CDH23: variants seen among roughly 807,000 people sequenced by gnomAD.
CDH23 encodes cadherin-23.
A neutral mutation model predicts 317.1 loss-of-function variants in CDH23; 189 were observed. The observed-to-expected ratio is 0.60, with a 90% CI of 0.53 to 0.67. The LOEUF (loss-of-function observed/expected upper bound fraction) is 0.67. Among genes scored for constraint, CDH23 ranks in the 30% least tolerant of loss-of-function variants. The pLI, the probability that CDH23 is intolerant of heterozygous loss-of-function variation, is 0.00. For missense variants in CDH23, 4,401 were observed against 4,592.4 expected (o/e 0.96, Z 1.20); for synonymous variants, 1,839 against 1,876.8 (o/e 0.98, Z 0.52).
intron 11 of CDH23, among the ~76,000 whole-genome samples, chr10:71,618,722 C>A (rs992305145): frequency 4.6e-5 from 7 of 152,170 alleles, no homozygotes; most frequent in African/African-American, 1.4e-4. Flanking sequence ...CCTCTGCCCA[C>A]GTCTCTTGCC....
chr10:71,519,867 C>T (rs1345855190), intron 6 of CDH23, among the ~76,000 whole-genome samples: 8 of 151,754 alleles, frequency 5.3e-5, no homozygotes, highest in African/African-American at 1.9e-4. Flanking sequence ...CAGCTCACTG[C>T]AGCCTTAACC....
At chr10:71,580,446 T>G (rs993656261) in intron 9 of CDH23, among the ~76,000 whole-genome samples, 4 of 152,212 alleles carry the variant, frequency 2.6e-5, no homozygotes, top group African/African-American at 9.6e-5. Context: ...CTTTATAGGA[T>G]TCCCACTGCC....
intron 11 of CDH23, among the ~76,000 whole-genome samples, chr10:71,622,616 C>T (rs188916976): frequency 1.0e-3 from 159 of 152,274 alleles, no homozygotes; most frequent in African/African-American, 3.3e-3. Flanking sequence ...TCATTATGCA[C>T]GACCCCTCCC....
rs369239274 is a variant in CDH23 at position 71,801,362 on chromosome 10, C to T, written c.7482+607C>T. Among the ~76,000 whole-genome samples, 155 of 152,050 alleles carry T rather than the reference C, an allele frequency of 1.0e-3. 3 individuals are homozygous for T. In the South Asian group the frequency reaches 0.031, roughly 30 times the overall value. Reference sequence around the variant, plus strand: ...AGAGACGGGGTTTCTCCATGTTGGTCGGGCTGGTCTCGAACTCCCGACCTC... The same window carrying T: ...AGAGACGGGGTTTCTCCATGTTGGTTGGGCTGGTCTCGAACTCCCGACCTC... On this transcript the variant is annotated intron_variant, in intron 53 of 69. Coordinates refer to ENST00000224721, the MANE Select transcript of CDH23 (RefSeq NM_022124.6).
In CDH23 at chr10:71,709,215, T is replaced by C; in HGVS notation, c.3220+4T>C. On this transcript the variant is annotated splice_donor_region_variant and intron_variant, in intron 27 of 69. Coordinates refer to ENST00000224721, the MANE Select transcript of CDH23 (RefSeq NM_022124.6). Reference sequence around the variant, plus strand: ...ATGCTCATCCTGGAGGCCATCGGTATGCACCAGTCCCGCACCCACCAACAC... The same window carrying C: ...ATGCTCATCCTGGAGGCCATCGGTACGCACCAGTCCCGCACCCACCAACAC... 3 of 1,612,772 alleles carry C rather than the reference T, an allele frequency of 1.9e-6. No homozygotes were observed. In the African/African-American group the frequency reaches 4.0e-5, roughly 21 times the overall value.
chr10:71,692,851 G>A (rs890608990), intron 20 of CDH23, among the ~76,000 whole-genome samples: 13 of 152,340 alleles, frequency 8.5e-5, no homozygotes, highest in South Asian at 4.1e-4. Context: ...CACAGGCCCT[G>A]CCCGTGGAGA....
At chr10:71,583,713 A>G (rs1029137374) in intron 9 of CDH23, among the ~76,000 whole-genome samples, 1 of 152,282 alleles carries the variant, frequency 6.6e-6, no homozygotes, top group South Asian at 2.1e-4. Context: ...TCCCCGAGTG[A>G]CGGGAGGAGA....
intron 22 of CDH23, among the ~76,000 whole-genome samples, chr10:71,697,566 A>T (rs559300146): frequency 1.3e-5 from 2 of 152,220 alleles, no homozygotes; most frequent in Non-Finnish European, 2.9e-5. Flanking sequence ...CCAGATACTC[A>T]GGAGGCTAAG....
At chr10:71,401,028 G>C (rs1050993644) in intron 1 of CDH23, among the ~76,000 whole-genome samples, 1 of 152,106 alleles carries the variant, frequency 6.6e-6, no homozygotes, top group Non-Finnish European at 1.5e-5. Context: ...GGGCAATCCT[G>C]TTTGTCCATG....
chr10:71,642,746 A>G (rs572509716), intron 11 of CDH23, among the ~76,000 whole-genome samples: 21 of 152,188 alleles, frequency 1.4e-4, no homozygotes, highest in Admixed American at 5.2e-4. Context: ...TCCCTATGCA[A>G]CCATGGGCTG....
chr10:71,687,833 T>A, intron 19 of CDH23, 114 bp downstream of exon 19: 1 of 968,190 alleles, frequency 1.0e-6, no homozygotes, highest in Non-Finnish European at 1.6e-6. Flanking sequence ...GTCCATGGCC[T>A]TCTCTTTCCC....
At chr10:71,515,681 C>A (rs1854297796) in intron 6 of CDH23, among the ~76,000 whole-genome samples, 1 of 152,204 alleles carries the variant, frequency 6.6e-6, no homozygotes, top group South Asian at 2.1e-4. Context: ...CTCTGGATTT[C>A]AGCTTTCTTA....
At chr10:71,767,640 T>G (rs904677249) in intron 38 of CDH23, among the ~76,000 whole-genome samples, 1 of 152,152 alleles carries the variant, frequency 6.6e-6, no homozygotes, top group Non-Finnish European at 1.5e-5. Flanking sequence ...CATGGATCAA[T>G]CAGGACTGGG....
At chr10:71,705,557 A>G (rs769117692) in intron 25 of CDH23, among the ~76,000 whole-genome samples, 5 of 152,120 alleles carry the variant, frequency 3.3e-5, no homozygotes, top group Admixed American at 6.5e-5. Context: ...ATGGGTGTGG[A>G]ACCCCTGGAC....
intron 6 of CDH23, among the ~76,000 whole-genome samples, chr10:71,513,585 G>A (rs1256980508): frequency 6.6e-6 from 1 of 152,214 alleles, no homozygotes. Flanking sequence ...CTGCCAGGGT[G>A]ATCAGAGAAA....
At chr10:71,720,612 C>T (rs1308073229) in intron 28 of CDH23, among the ~76,000 whole-genome samples, 1 of 152,204 alleles carries the variant, frequency 6.6e-6, no homozygotes, top group African/African-American at 2.4e-5. Context: ...AGACCTGAGC[C>T]TCAGACCCAT....
intron 38 of CDH23, chr10:71,773,259 G>C: frequency 7.4e-7 from 1 of 1,358,276 alleles, no homozygotes; most frequent in South Asian, 1.3e-5. Flanking sequence ...GGTCACACAG[G>C]CTGAGAGGGC....
chr10:71,730,563 G>C lies in CDH23; in HGVS notation c.3674G>C (p.Gly1225Ala). The change falls in exon 31 of 70, where the codon GGA (glycine) becomes GCA (alanine). Residue 1225 changes from glycine (G) to alanine (A), a missense_variant. By Grantham distance (60) the Gly-to-Ala change is moderately conservative. Around this residue, in one of 3 missense-constraint regions of CDH23, gnomAD observed 3,068 missense variants for 3,203.3 expected, o/e 0.96. Coordinates refer to ENST00000224721, the MANE Select transcript of CDH23 (RefSeq NM_022124.6). Reference protein sequence around the residue: ...RLGLRETAGIGTSVIVVQATD... With the variant: ...RLGLRETAGIATSVIVVQATD... Reference sequence around the variant, plus strand: ...GGGCTTCGAGAGACCGCAGGCATTGGAACGTCAGTCATCGTGGTCCAAGCC... The same window carrying C: ...GGGCTTCGAGAGACCGCAGGCATTGCAACGTCAGTCATCGTGGTCCAAGCC... 1.2e-6 allele frequency: 2 copies of C among 1,613,958 alleles called. No individual in the cohort carries two copies. Among genetic ancestry groups the C allele is most frequent in the Non-Finnish European group, 1.7e-6 (2 of 1,179,894 alleles).
chr10:71,605,296 A>C (rs138512164), intron 9 of CDH23, among the ~76,000 whole-genome samples: 3 of 152,210 alleles, frequency 2.0e-5, no homozygotes, highest in Non-Finnish European at 4.4e-5. Context: ...GATCAATCAA[A>C]AGAGAAAGTT....
Sources: gnomAD v4.1 joint callset for allele counts (sites outside exome capture counted in the v4.1 genomes callset) on GRCh38, gnomAD v4.1.1 for gene constraint, gnomAD v4.1.1 regional missense constraint, MANE v1.5 for transcripts, NCBI Gene and HGNC (gene_info 2026-07-23, HGNC 2026-07-21) for gene names.